The following MRPL50 variants were observed in gnomAD, a reference collection of about 807,000 sequenced individuals.
MRPL50 encodes large ribosomal subunit protein mL50.
A neutral mutation model predicts 16.2 loss-of-function variants in MRPL50; 10 were observed. That is an observed-to-expected ratio of 0.62 (90% CI 0.38 to 1.05). MRPL50 has a LOEUF of 1.05. Among genes scored for constraint, MRPL50 ranks in the 50% least tolerant of loss-of-function variants. The pLI, the probability that MRPL50 is intolerant of heterozygous loss-of-function variation, is 0.01. For synonymous variants in MRPL50, 68 were observed against 66.8 expected (o/e 1.02, Z -0.09); for missense variants, 213 against 187.1 (o/e 1.14, Z -0.81).
intron 1 of MRPL50, 110 bp from the exon 2 acceptor site, chr9:101,390,960 G>A: frequency 4.2e-6 from 5 of 1,200,678 alleles, no homozygotes; most frequent in Non-Finnish European, 5.8e-6. Context: ...TACCACTGGG[G>A]ACTACTGAGA....
rs769505745 is a variant in MRPL50, at chr9:101,390,888, G to A, written c.93-38C>T. Reference sequence around the variant, plus strand: ...AAAACAAACAGACAAATCCATTAATGAAGTTGACAAACACCAGACCAAATC... The same window carrying A: ...AAAACAAACAGACAAATCCATTAATAAAGTTGACAAACACCAGACCAAATC... On this transcript the variant is annotated intron_variant, in intron 1 of 1. Transcript: ENST00000374865. 2.6e-6 allele frequency: 4 copies of A among 1,543,656 alleles called. No homozygotes were observed. In the South Asian group the frequency reaches 5.1e-5, roughly 20 times the overall value.
intron 1 of MRPL50, among the ~76,000 whole-genome samples, chr9:101,398,271 G>T (rs1301687257): frequency 6.6e-6 from 1 of 152,168 alleles, no homozygotes; most frequent in Non-Finnish European, 1.5e-5. Flanking sequence ...AAGTGAAAAG[G>T]AAAGGGGGTG....
chr9:101,392,606 A>G (rs1244185659), intron 1 of MRPL50, among the ~76,000 whole-genome samples: 2 of 152,050 alleles, frequency 1.3e-5, no homozygotes, highest in African/African-American at 4.8e-5. Context: ...AAGAAAACCC[A>G]AACAGAAATA....
In MRPL50 at chr9:101,390,173, T is replaced by C; in HGVS notation, c.*293A>G. The C allele has an allele frequency of 1.6e-5, 18 of 1,111,624 alleles. No individual in the cohort carries two copies. Among genetic ancestry groups the C allele is most frequent in the Non-Finnish European group, 1.8e-5 (16 of 910,346 alleles). The allele number at this position is 1,111,624 out of a possible 1,614,324, so 68.9% of individuals were successfully genotyped here. A position where few individuals can be genotyped will look rare whatever the true frequency, so the allele number is the denominator to read the frequency against. On this transcript the variant is annotated 3_prime_UTR_variant, in exon 2 of 2. Coordinates refer to ENST00000374865, the MANE Select transcript of MRPL50 (RefSeq NM_019051.3). ...CTTTATGCTTATGAAAGGTGTGAAC[T>C]TGCAATGTCCTCCTGTCTTAAACCC...
intron 1 of MRPL50, among the ~76,000 whole-genome samples, chr9:101,395,738 A>G (rs1830330926): frequency 6.6e-6 from 1 of 152,052 alleles, no homozygotes; most frequent in African/African-American, 2.4e-5. Flanking sequence ...GGAGGTAGTA[A>G]TAAATTGATG....
In MRPL50 at chr9:101,389,420, A is replaced by C. The variant is rs1425396540; in HGVS notation, c.*1046T>G. On this transcript the variant is annotated 3_prime_UTR_variant, in exon 2 of 2. Coordinates refer to ENST00000374865, the MANE Select transcript of MRPL50 (RefSeq NM_019051.3). ...GTAGGGCATGTCTATACTGTTAACT[A>C]ATTTTCTTCATGAAGATTCCAGAAT... 7.9e-7 allele frequency: 1 copy of C among 1,262,838 alleles called. No individual in the cohort carries two copies. The highest frequency in any genetic ancestry group is 2.3e-5 in the Admixed American group (1 of 43,342). 78.2% of individuals were successfully genotyped at this position (1,262,838 alleles called of 1,614,324 possible).
At chr9:101,397,756 TAA>T in intron 1 of MRPL50, among the ~76,000 whole-genome samples, 1 of 152,362 alleles carries the variant, frequency 6.6e-6, no homozygotes, top group East Asian at 1.9e-4. Context: ...GTTTTAAACC[TAA>T]GAGAGCATAC....
At position 101,390,864 on chromosome 9, in the gene MRPL50, A is replaced by G; in HGVS notation, c.93-14T>C. 8 of 1,566,662 alleles carry G rather than the reference A, an allele frequency of 5.1e-6. No homozygotes were observed. The highest frequency in any genetic ancestry group is 6.9e-6 in the Non-Finnish European group (8 of 1,161,706). On this transcript the variant is annotated splice_polypyrimidine_tract_variant and intron_variant, in intron 1 of 1. Transcript: ENST00000374865. The stretch of plus-strand genomic sequence containing the variant: ...TCTTTCTCTTTTCTGGAATGATCAA[A>G]AACAAACAGACAAATCCATTAATGA...
chr9:101,398,224 G>A (rs555185207), intron 1 of MRPL50, among the ~76,000 whole-genome samples: 8 of 152,308 alleles, frequency 5.3e-5, no homozygotes, highest in South Asian at 4.1e-4. Context: ...CGCACACGAG[G>A]TTAATCCTGC....
Position 101,390,325 on chromosome 9 carries a change from T to C in MRPL50, c.*141A>G. On this transcript the variant is annotated 3_prime_UTR_variant, in exon 2 of 2. Transcript: ENST00000374865. Reference sequence around the variant, plus strand: ...ATTTGTAATATGAGAAAAAAAAAGATGATACATTCCTCTACAGAAAAAGTG... The same window carrying C: ...ATTTGTAATATGAGAAAAAAAAAGACGATACATTCCTCTACAGAAAAAGTG... 4 of 1,358,922 alleles carry C rather than the reference T, an allele frequency of 2.9e-6. No individual in the cohort carries two copies. In the East Asian group the frequency reaches 1.1e-4, roughly 36 times the overall value. 84.2% of individuals were successfully genotyped at this position (1,358,922 alleles called of 1,614,324 possible). A position where few individuals can be genotyped will look rare whatever the true frequency, so the allele number is the denominator to read the frequency against.
intron 1 of MRPL50, 57 bp downstream of exon 1, chr9:101,398,444 C>G (rs1830399008): frequency 6.6e-7 from 1 of 1,506,032 alleles, no homozygotes; most frequent in Admixed American, 1.7e-5. Flanking sequence ...TTGAATTCGT[C>G]CCTAATCCTC....
chr9:101,391,498 AT>A (rs1358295707), intron 1 of MRPL50, among the ~76,000 whole-genome samples: 2 of 152,128 alleles, frequency 1.3e-5, no homozygotes, highest in African/African-American at 2.4e-5. Flanking sequence ...GGAAAAAGAT[AT>A]TCCATGCAAA....
At chr9:101,397,738 T>C (rs762737028) in intron 1 of MRPL50, among the ~76,000 whole-genome samples, 11 of 152,226 alleles carry the variant, frequency 7.2e-5, no homozygotes, top group Non-Finnish European at 1.3e-4. Context: ...CTAATTGTAG[T>C]GGTTTTTGTT....
At chr9:101,394,178 C>A (rs954582596) in intron 1 of MRPL50, among the ~76,000 whole-genome samples, 2 of 152,084 alleles carry the variant, frequency 1.3e-5, no homozygotes, top group African/African-American at 4.8e-5. Flanking sequence ...TGCCTGGGAA[C>A]CAGTTTGCTT....
rs1564061684 is a variant in MRPL50, at chr9:101,389,302, A to G, written c.*1164T>C. 1.7e-5 allele frequency: 6 copies of G among 360,568 alleles called. No homozygotes were observed. The highest frequency in any genetic ancestry group is 2.4e-5 in the Non-Finnish European group (5 of 208,890). 22.3% of individuals were successfully genotyped at this position (360,568 alleles called of 1,614,324 possible). A position where few individuals can be genotyped will look rare whatever the true frequency, so the allele number is the denominator to read the frequency against. Reference sequence around the variant, plus strand: ...TATCCAAGTAGGTGTCCTGGAACCAATCCCCAAGGAATCAACTCTAATGTC... The same window carrying G: ...TATCCAAGTAGGTGTCCTGGAACCAGTCCCCAAGGAATCAACTCTAATGTC... On this transcript the variant is annotated 3_prime_UTR_variant, in exon 2 of 2. Coordinates refer to ENST00000374865, the MANE Select transcript of MRPL50 (RefSeq NM_019051.3).
At chr9:101,392,522 T>C (rs1189322112) in intron 1 of MRPL50, among the ~76,000 whole-genome samples, 1 of 151,878 alleles carries the variant, frequency 6.6e-6, no homozygotes, top group Non-Finnish European at 1.5e-5. Context: ...TATAAGTCAA[T>C]AGATTGGAAA....
At chr9:101,396,850 G>T (rs1588150105) in intron 1 of MRPL50, among the ~76,000 whole-genome samples, 1 of 152,058 alleles carries the variant, frequency 6.6e-6, no homozygotes, top group Non-Finnish European at 1.5e-5. Context: ...GCTGAGGCAG[G>T]AGAATCGCTT....
chr9:101,391,460 C>T (rs747009203), intron 1 of MRPL50, among the ~76,000 whole-genome samples: 1 of 151,984 alleles, frequency 6.6e-6, no homozygotes, highest in Non-Finnish European at 1.5e-5. Context: ...ATTTTACTTA[C>T]ATTCTACTTC....
rs1165151155 is a variant in MRPL50 at position 101,389,421 on chromosome 9, A to AT, written c.*1044dup. The AT allele has an allele frequency of 7.9e-7, 1 of 1,266,514 alleles. No homozygotes were observed. Among genetic ancestry groups the AT allele is most frequent in the Non-Finnish European group, 1.0e-6 (1 of 968,780 alleles). The allele number at this position is 1,266,514 out of a possible 1,614,324, so 78.5% of individuals were successfully genotyped here. ...TAGGGCATGTCTATACTGTTAACTA[A>AT]TTTTCTTCATGAAGATTCCAGAATT... On this transcript the variant is annotated 3_prime_UTR_variant, in exon 2 of 2. Coordinates refer to ENST00000374865, the MANE Select transcript of MRPL50 (RefSeq NM_019051.3).
Sources: gnomAD v4.1 joint callset for allele counts (sites outside exome capture counted in the v4.1 genomes callset) on GRCh38, gnomAD v4.1.1 for gene constraint, MANE v1.5 for transcripts, NCBI Gene and HGNC (gene_info 2026-07-23, HGNC 2026-07-21) for gene names.